The following CHUK variants were observed in gnomAD, a reference collection of about 807,000 sequenced individuals.
CHUK encodes the protein inhibitor of nuclear factor kappa-B kinase subunit alpha.
Under a neutral mutation model 104.8 loss-of-function variants are expected in CHUK, and 35 were observed. The observed-to-expected ratio is 0.33, with a 90% CI of 0.26 to 0.44. CHUK has a LOEUF of 0.44. CHUK is among the 20% of genes least tolerant of loss of function. The pLI, the probability that CHUK is intolerant of heterozygous loss-of-function variation, is 1.00. For missense variants in CHUK, 663 were observed against 902.7 expected, an observed-to-expected ratio of 0.73 and a Z score of 3.40; for synonymous variants, 276 against 291.9, an observed-to-expected ratio of 0.95 and a Z score of 0.56.
At chr10:100,221,899 G>A (rs1409373708) in intron 4 of CHUK, among the ~76,000 whole-genome samples, 2 of 152,204 alleles carry the variant, frequency 1.3e-5, no homozygotes, top group Non-Finnish European at 2.9e-5. Flanking sequence ...GCCTCCCAAA[G>A]TGCTGGGATT....
At position 100,225,958 on chromosome 10, in the gene CHUK, T is replaced by C. The variant is rs757188845; in HGVS notation, c.165A>G (p.Arg55=). 1.9e-6 allele frequency: 3 copies of C among 1,609,088 alleles called. No homozygotes were observed. The highest frequency in any genetic ancestry group is 2.6e-6 in the Non-Finnish European group (3 of 1,175,494). ...SCRLELSTKN[R]ERWCHEIQIM... ...TCTGGATTTCATGGCACCATCGTTC[T>C]CTGTTTTTGGTACTTAGCTCTAGGC... The change falls in exon 2 of 21, where the codon AGA becomes AGG. Residue 55 remains arginine, a synonymous_variant. Coordinates refer to ENST00000370397, the MANE Select transcript of CHUK (RefSeq NM_001278.5).
At chr10:100,214,940 G>A (rs762021390) in intron 9 of CHUK, among the ~76,000 whole-genome samples, 5 of 152,130 alleles carry the variant, frequency 3.3e-5, no homozygotes, top group Non-Finnish European at 7.4e-5. Flanking sequence ...AATCTATAGA[G>A]GTAGATTTAA....
chr10:100,225,632 A>T (rs1846087268), intron 2 of CHUK, among the ~76,000 whole-genome samples: 2 of 152,188 alleles, frequency 1.3e-5, no homozygotes, highest in African/African-American at 4.8e-5. Context: ...GAATTGCTGG[A>T]TCATATGGTA....
chr10:100,217,975 G>A lies in CHUK; in HGVS notation c.933+20C>T, dbSNP rs1845897092. On this transcript the variant is annotated intron_variant, in intron 9 of 20. Transcript: ENST00000370397. ...TTACTTTCAATGCTGGTCTTATGCA[G>A]TAGACCCATTAAGACTAACCTTCAA... The A allele has an allele frequency of 6.2e-7, 1 of 1,608,808 alleles. No homozygotes were observed. Among genetic ancestry groups the A allele is most frequent in the African/African-American group, 1.3e-5 (1 of 74,844 alleles).
At chr10:100,215,142 C>T (rs368176396) in intron 9 of CHUK, among the ~76,000 whole-genome samples, 127 of 138,200 alleles carry the variant, frequency 9.2e-4, no homozygotes, top group African/African-American at 3.2e-3. Flanking sequence ...GGCTGAGGCA[C>T]GAGAATCACT....
At chr10:100,194,322 C>A in intron 17 of CHUK, 103 bp downstream of exon 17, 1 of 1,075,298 alleles carries the variant, frequency 9.3e-7, no homozygotes, top group Non-Finnish European at 1.4e-6. Context: ...CTTCAGAATT[C>A]TTCCTGGGTA....
Position 100,199,145 on chromosome 10 carries a change from G to T in CHUK, c.1729+826C>A, listed in dbSNP as rs550687310. 2.6e-5 allele frequency among the ~76,000 whole-genome samples: 4 copies of T among 152,238 alleles called. No individual in the cohort carries two copies. In the East Asian group the frequency reaches 7.7e-4, roughly 29 times the overall value. Reference sequence around the variant, plus strand: ...TCCAGTACTCTTTCCAGCAGACCTTGCTCAGTATTTAGCAGATGTTCAACT... The same window carrying T: ...TCCAGTACTCTTTCCAGCAGACCTTTCTCAGTATTTAGCAGATGTTCAACT... On this transcript the variant is annotated intron_variant, in intron 16 of 20. Transcript: ENST00000370397.
intron 1 of CHUK, among the ~76,000 whole-genome samples, chr10:100,226,524 G>A (rs570111350): frequency 1.3e-5 from 2 of 152,258 alleles, no homozygotes; most frequent in Admixed American, 1.3e-4. Context: ...TCCTACCAAT[G>A]AGTGTACTTC....
At chr10:100,186,484 T>A (rs1243200351), downstream of CHUK, 4 of 155,038 alleles carry the variant, frequency 2.6e-5, no homozygotes, top group African/African-American at 7.2e-5. Context: ...TATAACGGCA[T>A]CATTCTCTCG....
chr10:100,228,872 T>A (rs1281776967), intron 1 of CHUK, among the ~76,000 whole-genome samples: 2 of 151,840 alleles, frequency 1.3e-5, no homozygotes, highest in Non-Finnish European at 2.9e-5. Flanking sequence ...CTGGAATACA[T>A]CCCCAATTCC....
intron 9 of CHUK, among the ~76,000 whole-genome samples, chr10:100,210,264 T>C (rs1310549070): frequency 6.6e-6 from 1 of 150,994 alleles, no homozygotes; most frequent in African/African-American, 2.4e-5. Context: ...ATTTTTTGTA[T>C]TTTTAGTAGA....
intron 12 of CHUK, 99 bp downstream of exon 12, chr10:100,204,977 A>G (rs972532333): frequency 2.0e-5 from 28 of 1,367,892 alleles, no homozygotes; most frequent in Non-Finnish European, 2.9e-5. Flanking sequence ...CCAGTATGTT[A>G]CTATTACATG....
At chr10:100,210,829 A>G (rs1170947919) in intron 9 of CHUK, among the ~76,000 whole-genome samples, 1 of 152,228 alleles carries the variant, frequency 6.6e-6, no homozygotes, top group African/African-American at 2.4e-5. Flanking sequence ...AGCCTGATAC[A>G]TGCCAAGTGA....
At chr10:100,202,232 T>A (rs1381085157) in intron 13 of CHUK, 83 bp from the exon 14 acceptor site, 37 of 887,802 alleles carry the variant, frequency 4.2e-5, no homozygotes, top group Non-Finnish European at 7.0e-5. Context: ...CATATCAACA[T>A]CAAAGATGTG....
intron 11 of CHUK, among the ~76,000 whole-genome samples, chr10:100,206,305 T>C (rs910814853): frequency 2.0e-5 from 3 of 152,002 alleles, no homozygotes; most frequent in African/African-American, 7.2e-5. Flanking sequence ...TTGAGAAAGG[T>C]CTCACTCTGT....
At chr10:100,189,803 G>T (rs1214170922) in intron 20 of CHUK, among the ~76,000 whole-genome samples, 176 bp from the exon 21 acceptor site, 1 of 150,398 alleles carries the variant, frequency 6.6e-6, no homozygotes, top group African/African-American at 2.4e-5. Flanking sequence ...ATAAATATTT[G>T]AAGTAAACAA....
chr10:100,192,598 A>C, intron 19 of CHUK: 1 of 985,580 alleles, frequency 1.0e-6, no homozygotes, highest in Non-Finnish European at 1.2e-6. Flanking sequence ...GCTTCCAGGA[A>C]ATGCTGGTGC....
At chr10:100,201,332 T>C (rs1845457216) in intron 14 of CHUK, among the ~76,000 whole-genome samples, 1 of 152,176 alleles carries the variant, frequency 6.6e-6, no homozygotes, top group African/African-American at 2.4e-5. Flanking sequence ...GAATGAGCTA[T>C]ACCTAGGGAC....
downstream of CHUK, chr10:100,186,572 A>G (rs1247755373): frequency 1.3e-5 from 2 of 152,354 alleles, no homozygotes; most frequent in African/African-American, 4.8e-5. Flanking sequence ...CTACAGGAAC[A>G]GAATTGCTAA....
Sources: gnomAD v4.1 joint callset for allele counts (sites outside exome capture counted in the v4.1 genomes callset) on GRCh38, gnomAD v4.1.1 for gene constraint, MANE v1.5 for transcripts, NCBI Gene and HGNC (gene_info 2026-07-23, HGNC 2026-07-21) for gene names.